SLC9A1: variants seen among roughly 807,000 people sequenced by gnomAD.
SLC9A1 encodes the protein sodium/hydrogen exchanger 1.
A neutral mutation model predicts 67.9 loss-of-function variants in SLC9A1; 22 were observed. The observed-to-expected ratio is 0.32, with a 90% CI of 0.23 to 0.46. The LOEUF is 0.46. SLC9A1 is among the 20% of genes least tolerant of loss of function. The pLI is 1.00. For missense variants in SLC9A1, 686 were observed against 1,094.8 expected (o/e 0.63, Z 5.27); for synonymous variants, 421 against 471.8 (o/e 0.89, Z 1.40).
At chr1:27,102,628 C>T (rs371239599) in intron 7 of SLC9A1, 45 bp downstream of exon 7, 1 of 1,612,144 alleles carries the variant, frequency 6.2e-7, no homozygotes. Context: ...GCCCAGGAGA[C>T]CCTTGCCTGC....
At position 27,154,133 on chromosome 1, in the gene SLC9A1, T is replaced by G; in HGVS notation, c.202A>C (p.Thr68Pro). The G allele has an allele frequency of 6.2e-7, 1 of 1,613,932 alleles. No homozygotes were observed. The highest frequency in any genetic ancestry group is 8.5e-7 in the Non-Finnish European group (1 of 1,179,960). The change falls in exon 1 of 12, where the codon ACC (threonine) becomes CCC (proline). Residue 68 changes from threonine to proline, a missense_variant. Around this residue, in one of 7 missense-constraint regions of SLC9A1, gnomAD observed 143 missense variants for 166.7 expected, o/e 0.86. Coordinates refer to ENST00000263980, the MANE Select transcript of SLC9A1 (RefSeq NM_003047.5). ...GDVTTAPPEV[T>P]PESRPVNHSV... ...TGATTAACAGGGCGGCTCTCTGGGGTGACCTCCGGTGGAGCGGTGGTGACA... is the reference window on the plus strand; with the variant it reads ...TGATTAACAGGGCGGCTCTCTGGGGGGACCTCCGGTGGAGCGGTGGTGACA...
At chr1:27,120,724 C>T (rs542935228) in intron 1 of SLC9A1, among the ~76,000 whole-genome samples, 17 of 151,622 alleles carry the variant, frequency 1.1e-4, no homozygotes, top group Non-Finnish European at 2.1e-4. Context: ...GGCAATAGAG[C>T]AAAATTCCAT....
chr1:27,109,806 G>A lies in SLC9A1; in HGVS notation c.814-29C>T, dbSNP rs770280484. On this transcript the variant is annotated intron_variant, in intron 2 of 11. Transcript: ENST00000263980. The surrounding 1 kb of genome is among the most constrained non-coding windows in gnomAD (Gnocchi z 5.5). ...GGGAGGGTGTGCAGGCTGGTGGGTG[G>A]GAGGAGAGGGCCCTGGCCCCACGGT... 6 of 1,611,530 alleles carry A rather than the reference G, an allele frequency of 3.7e-6. No homozygotes were observed. The Admixed American group carries it at 6.7e-5, about 18-fold the overall frequency.
At chr1:27,108,179 C>T (rs922920572) in intron 3 of SLC9A1, among the ~76,000 whole-genome samples, 6 of 151,418 alleles carry the variant, frequency 4.0e-5, no homozygotes, top group African/African-American at 1.5e-4. Context: ...CAATTCTCTG[C>T]CTCAGCCTCC....
intron 1 of SLC9A1, among the ~76,000 whole-genome samples, chr1:27,123,159 C>T (rs546008692): frequency 9.0e-4 from 137 of 152,242 alleles, no homozygotes; most frequent in Middle Eastern, 6.8e-3. Flanking sequence ...TATTATATTG[C>T]TTTGGTGATT....
At chr1:27,115,872 C>T (rs959527119) in intron 1 of SLC9A1, among the ~76,000 whole-genome samples, 8 of 152,254 alleles carry the variant, frequency 5.3e-5, no homozygotes, top group East Asian at 1.9e-4. Context: ...CAACAAATAT[C>T]AGCTGACTTG....
At chr1:27,150,262 C>T (rs987857528) in intron 1 of SLC9A1, among the ~76,000 whole-genome samples, 5 of 152,082 alleles carry the variant, frequency 3.3e-5, no homozygotes, top group Non-Finnish European at 4.4e-5. Context: ...TGGCAGGATT[C>T]GCCTTGCAAA....
At position 27,100,348 on chromosome 1, in the gene SLC9A1, CAG is replaced by C; in HGVS notation, c.2405_2406del (p.Pro802ArgfsTer43). On this transcript the variant is annotated frameshift_variant, in exon 12 of 12. Coordinates refer to ENST00000263980, the MANE Select transcript of SLC9A1 (RefSeq NM_003047.5). LOFTEE classifies it high-confidence loss of function. The surrounding 1 kb of genome is among the most constrained non-coding windows in gnomAD (Gnocchi z 5.6). ...QRCLSDPGPH[P>X]EPGEGEPFFP... is the part of the protein sequence containing the mutation. ...AAGAACGGTTCTCCCTCCCCAGGCT[CAG>C]GGTGTGGGCCTGGGTCACTGAGGCA... 6.5e-7 allele frequency: 1 copy of C among 1,547,940 alleles called. No individual in the cohort carries two copies. The highest frequency in any genetic ancestry group is 8.7e-7 in the Non-Finnish European group (1 of 1,146,786).
intron 3 of SLC9A1, among the ~76,000 whole-genome samples, chr1:27,108,539 G>A (rs1308587921): frequency 1.3e-5 from 2 of 152,234 alleles, no homozygotes; most frequent in African/African-American, 2.4e-5. Flanking sequence ...TTAGCCAGGT[G>A]TGGTGGTGGG....
chr1:27,100,198 G>C lies in SLC9A1; in HGVS notation c.*109C>G. 2 of 751,028 alleles carry C rather than the reference G, an allele frequency of 2.7e-6. No homozygotes were observed. Among genetic ancestry groups the C allele is most frequent in the Non-Finnish European group, 4.1e-6 (2 of 489,400 alleles). The allele number at this position is 751,028 out of a possible 1,614,324, so 46.5% of individuals were successfully genotyped here. A position where few individuals can be genotyped will look rare whatever the true frequency, so the allele number is the denominator to read the frequency against. On this transcript the variant is annotated 3_prime_UTR_variant, in exon 12 of 12. Transcript: ENST00000263980. This position sits in a 1 kb window ranked among gnomAD's most constrained non-coding sequence, Gnocchi z 5.6. The stretch of plus-strand genomic sequence containing the variant: ...GTGGGCCCAGCTGCCATGCGGTAGG[G>C]GGAGGGGCAGGGCCAATCCGGGTCA...
Position 27,100,338 on chromosome 1 carries a change from T to C in SLC9A1, c.2417A>G (p.Glu806Gly), listed in dbSNP as rs2124123479. The C allele has an allele frequency of 6.5e-7, 1 of 1,537,794 alleles. No homozygotes were observed. The highest frequency in any genetic ancestry group is 8.8e-7 in the Non-Finnish European group (1 of 1,142,328). The change falls in exon 12 of 12, where the codon GAG (glutamate) becomes GGG (glycine). Residue 806 changes from glutamate to glycine, a missense_variant. Glu to Gly is a moderately conservative substitution (Grantham distance 98, BLOSUM62 -2). Around this residue, in one of 7 missense-constraint regions of SLC9A1, gnomAD observed 226 missense variants for 282.4 expected, o/e 0.80. Coordinates refer to ENST00000263980, the MANE Select transcript of SLC9A1 (RefSeq NM_003047.5). This position sits in a 1 kb window ranked among gnomAD's most constrained non-coding sequence, Gnocchi z 5.6. Reference protein sequence around the residue: ...SDPGPHPEPGEGEPFFPKGQ With the variant: ...SDPGPHPEPGGGEPFFPKGQ ...CCCCTTGGGGAAGAACGGTTCTCCCTCCCCAGGCTCAGGGTGTGGGCCTGG... is the reference window on the plus strand; with the variant it reads ...CCCCTTGGGGAAGAACGGTTCTCCCCCCCCAGGCTCAGGGTGTGGGCCTGG...
At chr1:27,139,214 G>C (rs555619884) in intron 1 of SLC9A1, among the ~76,000 whole-genome samples, 5 of 152,272 alleles carry the variant, frequency 3.3e-5, no homozygotes, top group Admixed American at 2.0e-4. Flanking sequence ...GCCTTAACCG[G>C]TGTCACGGCC....
intron 1 of SLC9A1, among the ~76,000 whole-genome samples, chr1:27,116,395 A>C (rs75145524): frequency 1.3e-5 from 2 of 152,080 alleles, no homozygotes; most frequent in Non-Finnish European, 2.9e-5. Context: ...GAAAAAAAAA[A>C]GTTCACACAC....
In SLC9A1 at chr1:27,103,316, G is replaced by C. The variant is rs11577385; in HGVS notation, c.1486-4C>G. 309 of 1,609,920 alleles carry C rather than the reference G, an allele frequency of 1.9e-4. No individual in the cohort carries two copies. In the African/African-American group the frequency reaches 3.6e-3, roughly 19 times the overall value. On this transcript the variant is annotated splice_region_variant and splice_polypyrimidine_tract_variant and intron_variant, in intron 5 of 11. Transcript: ENST00000263980. ...CCAGGGGCCGAATGGTCATGCCCTG[G>C]GGGGCAGGCAGGTGTCAGGCACTCC... is the stretch of plus-strand genomic sequence containing the variant.
At chr1:27,147,573 C>T (rs12120926) in intron 1 of SLC9A1, among the ~76,000 whole-genome samples, 45,053 of 151,798 alleles carry the variant, frequency 0.3, 7,131 homozygotes, top group Non-Finnish European at 0.36. Flanking sequence ...GAGACTGAGG[C>T]GGGAGGATCA....
At position 27,154,273 on chromosome 1, in the gene SLC9A1, A is replaced by G. The variant is rs2083551437; in HGVS notation, c.62T>C (p.Val21Ala). The G allele has an allele frequency of 6.2e-7, 1 of 1,612,982 alleles. No individual in the cohort carries two copies. Among genetic ancestry groups the G allele is most frequent in the South Asian group, 1.1e-5 (1 of 90,858 alleles). ...CAGCAGCCCCACCAAAGCAACCACCACGAGTAAGGAAGGGAAGATCCGATG... is the reference window on the plus strand; with the variant it reads ...CAGCAGCCCCACCAAAGCAACCACCGCGAGTAAGGAAGGGAAGATCCGATG... Reference protein sequence around the residue: ...SPHRIFPSLLVVVALVGLLPV... With the variant: ...SPHRIFPSLLAVVALVGLLPV... The change falls in exon 1 of 12, where the codon GTG (valine) becomes GCG (alanine). Residue 21 changes from valine to alanine, a missense_variant. Around this residue, in one of 7 missense-constraint regions of SLC9A1, gnomAD observed 143 missense variants for 166.7 expected, o/e 0.86. Transcript: ENST00000263980.
intron 1 of SLC9A1, among the ~76,000 whole-genome samples, chr1:27,144,117 A>T (rs556004418): frequency 3.9e-5 from 6 of 152,222 alleles, no homozygotes; most frequent in Non-Finnish European, 7.3e-5. Context: ...TTCCCAACAC[A>T]CATTAAAGCA....
intron 1 of SLC9A1, among the ~76,000 whole-genome samples, chr1:27,134,207 GCAGACTCCTGGGGTTCAGAAA>G (rs565154317): frequency 1.0e-3 from 157 of 152,262 alleles, no homozygotes; most frequent in African/African-American, 3.4e-3. Context: ...GAGGAACAGT[GCAGACTCCTGGGGTTCAGAAA>G]CCCTTGGTTC....
intron 1 of SLC9A1, among the ~76,000 whole-genome samples, chr1:27,147,131 C>A (rs28656931): frequency 8.9e-6 from 1 of 112,934 alleles, no homozygotes; most frequent in Non-Finnish European, 2.1e-5. Context: ...AACAAACAAA[C>A]AAACAAAAAA....
Sources: gnomAD v4.1 joint callset for allele counts (sites outside exome capture counted in the v4.1 genomes callset) on GRCh38, gnomAD v4.1.1 for gene constraint, gnomAD v4.1.1 regional missense constraint, Gnocchi (gnomAD v3.1) non-coding constraint, MANE v1.5 for transcripts, NCBI Gene and HGNC (gene_info 2026-07-23, HGNC 2026-07-21) for gene names.